SDK2: variants seen among roughly 807,000 people sequenced by gnomAD.
SDK2 encodes sidekick cell adhesion molecule 2, also known as protein sidekick-2.
In SDK2, 105 loss-of-function variants were observed where a neutral mutation model predicts 253.9. The observed-to-expected ratio is 0.41, with a 90% CI of 0.35 to 0.49. SDK2 has a LOEUF of 0.49. SDK2 is among the 20% of genes least tolerant of loss of function. The pLI, the probability that SDK2 is intolerant of heterozygous loss-of-function variation, is 0.06. For synonymous variants in SDK2, 1,249 were observed against 1,234.9 expected (o/e 1.01, Z -0.24); for missense variants, 2,608 against 3,003.0 (o/e 0.87, Z 3.07).
At chr17:73,583,168 C>T (rs1012237634) in intron 1 of SDK2, among the ~76,000 whole-genome samples, 2 of 152,220 alleles carry the variant, frequency 1.3e-5, no homozygotes, top group South Asian at 2.1e-4. Context: ...CTTATGGGAC[C>T]AATCACTGTA....
chr17:73,469,992 G>GCGCACACACACACACA (rs1328450219), intron 3 of SDK2, among the ~76,000 whole-genome samples: 7 of 126,184 alleles, frequency 5.5e-5, no homozygotes, highest in East Asian at 5.1e-4. Flanking sequence ...GCGCGCGCGC[G>GCGCACACACACACACA]CACACACACA....
intron 1 of SDK2, among the ~76,000 whole-genome samples, chr17:73,507,956 G>A (rs182728918): frequency 6.6e-6 from 1 of 152,338 alleles, no homozygotes; most frequent in South Asian, 2.1e-4. Flanking sequence ...GGCAAGAGGG[G>A]CACTTTCTGT....
chr17:73,593,874 C>T (rs1031408837), intron 1 of SDK2, among the ~76,000 whole-genome samples: 4 of 152,160 alleles, frequency 2.6e-5, no homozygotes, highest in Non-Finnish European at 5.9e-5. Flanking sequence ...ACTGTCCGTC[C>T]TTCTTTGAGC....
At chr17:73,413,261 G>T (rs1209406837) in intron 18 of SDK2, among the ~76,000 whole-genome samples, 2 of 151,720 alleles carry the variant, frequency 1.3e-5, no homozygotes, top group African/African-American at 4.8e-5. Context: ...CTCCTTATGA[G>T]AATCTAATGC....
chr17:73,424,428 AG>A (rs2063262726), intron 12 of SDK2, among the ~76,000 whole-genome samples: 1 of 152,208 alleles, frequency 6.6e-6, no homozygotes, highest in African/African-American at 2.4e-5. Flanking sequence ...ATTCTTCTGA[AG>A]AGGCTGAAAG....
chr17:73,428,074 C>T (rs974907483), intron 12 of SDK2, among the ~76,000 whole-genome samples: 2 of 152,170 alleles, frequency 1.3e-5, no homozygotes, highest in Admixed American at 1.3e-4. Context: ...AGAAGACCAA[C>T]AGGCAAATGA....
chr17:73,604,116 G>A (rs954563062), intron 1 of SDK2, among the ~76,000 whole-genome samples: 1 of 152,266 alleles, frequency 6.6e-6, no homozygotes, highest in African/African-American at 2.4e-5. Flanking sequence ...TCCTGGCCAG[G>A]AGAGTGTTTA....
intron 1 of SDK2, among the ~76,000 whole-genome samples, chr17:73,524,589 G>C (rs1400322297): frequency 6.6e-6 from 1 of 152,188 alleles, no homozygotes; most frequent in African/African-American, 2.4e-5. Context: ...AGCATGACTG[G>C]AGCAGGGGGC....
chr17:73,355,174 A>ATATATATATATATATATTTTTTTTTTT, intron 40 of SDK2, among the ~76,000 whole-genome samples: 1 of 47,240 alleles, frequency 2.1e-5, no homozygotes, highest in African/African-American at 1.6e-4. Flanking sequence ...ATATATATAT[A>ATATATATATATATATATTTTTTTTTTT]TTTTTTTTTT....
rs1165578573 is a variant in SDK2 at position 73,639,624 on chromosome 17, G to C, written c.64+4401C>G. Among the ~76,000 whole-genome samples, 1 of 152,084 alleles carries C rather than the reference G, an allele frequency of 6.6e-6. No homozygotes were observed. The highest frequency in any genetic ancestry group is 1.5e-5 in the Non-Finnish European group (1 of 68,014). On this transcript the variant is annotated intron_variant, in intron 1 of 44. Coordinates refer to ENST00000392650, the MANE Select transcript of SDK2 (RefSeq NM_001144952.2). This position sits in a 1 kb window ranked among gnomAD's most constrained non-coding sequence, Gnocchi z 4.3. ...CTGTCTGTGGCAACATGCTCCAGGGGGAGCGGGGTAGAAACCCCGCAGGGC... is the reference window on the plus strand; with the variant it reads ...CTGTCTGTGGCAACATGCTCCAGGGCGAGCGGGGTAGAAACCCCGCAGGGC...
Position 73,460,611 on chromosome 17 carries a change from C to T in SDK2, c.332-4558G>A, listed in dbSNP as rs113293979. Among the ~76,000 whole-genome samples, 1,149 of 152,288 alleles carry T rather than the reference C, an allele frequency of 7.5e-3. 15 individuals carry two copies. Among genetic ancestry groups the T allele is most frequent in the African/African-American group, 0.026 (1,092 of 41,564 alleles). ...CACAGCTTAGTTTAAACATCACCTC[C>T]TCAATGAAGTTTACCCAAAACCATT... On this transcript the variant is annotated intron_variant, in intron 3 of 44. Transcript: ENST00000392650.
chr17:73,491,463 C>G (rs753425021), intron 2 of SDK2, among the ~76,000 whole-genome samples: 8 of 151,920 alleles, frequency 5.3e-5, no homozygotes, highest in Non-Finnish European at 1.2e-4. Context: ...GCCTTGACCG[C>G]CTGGGCTCCA....
At position 73,425,648 on chromosome 17, in the gene SDK2, T is replaced by C. The variant is rs534056872; in HGVS notation, c.1584-1556A>G. Among the ~76,000 whole-genome samples the C allele has an allele frequency of 3.9e-5, 6 of 152,192 alleles. No individual in the cohort carries two copies. The South Asian group carries it at 1.2e-3, about 32-fold the overall frequency. ...TCAGCCTCCCGAGTTGCTAGGACTA[T>C]AGGCGAGCACCACCACGCCCGACTA... On this transcript the variant is annotated intron_variant, in intron 12 of 44. Transcript: ENST00000392650.
intron 1 of SDK2, among the ~76,000 whole-genome samples, chr17:73,523,824 T>A (rs1760044790): frequency 6.6e-6 from 1 of 150,444 alleles, no homozygotes; most frequent in Admixed American, 6.6e-5. Flanking sequence ...TCTATGCAGG[T>A]TTCCCAGATG....
At chr17:73,356,229 A>C (rs7207820) in intron 40 of SDK2, among the ~76,000 whole-genome samples, 1 of 152,136 alleles carries the variant, frequency 6.6e-6, no homozygotes, top group South Asian at 2.1e-4. Context: ...GGCTGGGATC[A>C]TTGAGGCCCC....
intron 37 of SDK2, among the ~76,000 whole-genome samples, chr17:73,367,647 C>G (rs1318107108): frequency 3.3e-5 from 5 of 152,144 alleles, no homozygotes; most frequent in Admixed American, 2.0e-4. Context: ...GGATTACAGG[C>G]ACGTACCACC....
rs955254158 is a variant in SDK2, at chr17:73,642,507, T to C, written c.64+1518A>G. Among the ~76,000 whole-genome samples, 18 of 152,068 alleles carry C rather than the reference T, an allele frequency of 1.2e-4. No homozygotes were observed. The highest frequency in any genetic ancestry group is 5.9e-5 in the Non-Finnish European group (4 of 67,998). ...AGCATCAGGGTCCTCCTGGGACCCCTCAGAGAGGGGGCCCAGACCAAGGAG... is the reference window on the plus strand; with the variant it reads ...AGCATCAGGGTCCTCCTGGGACCCCCCAGAGAGGGGGCCCAGACCAAGGAG... On this transcript the variant is annotated intron_variant, in intron 1 of 44. Transcript: ENST00000392650. This position sits in a 1 kb window ranked among gnomAD's most constrained non-coding sequence, Gnocchi z 4.7.
At position 73,456,675 on chromosome 17, in the gene SDK2, T is replaced by C. The variant is rs549620834; in HGVS notation, c.332-622A>G. On this transcript the variant is annotated intron_variant, in intron 3 of 44. Coordinates refer to ENST00000392650, the MANE Select transcript of SDK2 (RefSeq NM_001144952.2). Reference sequence around the variant, plus strand: ...TGTATGTGTGAACATAAATACCATATTGCTCTTTTAAAACATGCCACTGCC... The same window carrying C: ...TGTATGTGTGAACATAAATACCATACTGCTCTTTTAAAACATGCCACTGCC... 2.0e-5 allele frequency among the ~76,000 whole-genome samples: 3 copies of C among 152,322 alleles called. No homozygotes were observed. The South Asian group carries it at 6.2e-4, about 32-fold the overall frequency.
rs1440362617 is a variant in SDK2 at position 73,467,055 on chromosome 17, C to G, written c.331+5057G>C. Among the ~76,000 whole-genome samples the G allele has an allele frequency of 6.6e-6, 1 of 152,098 alleles. No individual in the cohort carries two copies. The highest frequency in any genetic ancestry group is 1.5e-5 in the Non-Finnish European group (1 of 68,026). On this transcript the variant is annotated intron_variant, in intron 3 of 44. Coordinates refer to ENST00000392650, the MANE Select transcript of SDK2 (RefSeq NM_001144952.2). This position sits in a 1 kb window ranked among gnomAD's most constrained non-coding sequence, Gnocchi z 4.1. ...TCTGTGTAGGTACTTTTCATCTACT[C>G]GTCCTGCTGAGAGCAAGGAAAACGA...
Sources: allele counts gnomAD v4.1 joint callset (sites outside exome capture counted in the v4.1 genomes callset), GRCh38; gene constraint gnomAD v4.1.1; non-coding constraint Gnocchi (gnomAD v3.1); transcripts MANE v1.5; gene names NCBI Gene and HGNC (gene_info 2026-07-23, HGNC 2026-07-21).